The following LY6S variants were observed in gnomAD, a reference collection of about 807,000 sequenced individuals.
The protein encoded by LY6S is lymphocyte antigen 6S.
chr8:143,053,871 C>G, the LY6S span: 1 of 152,204 alleles, frequency 6.6e-6, no homozygotes, highest in Non-Finnish European at 1.5e-5. Flanking sequence ...CCGCTCTATC[C>G]TGTTCCCTGA....
At chr8:143,049,296 T>G in the LY6S span, 1 of 534,580 alleles carries the variant, frequency 1.9e-6, no homozygotes, top group South Asian at 1.4e-5. Context: ...ACCTTTCGGC[T>G]AGGTGAGCTA....
At chr8:143,070,431 TA>T in the LY6S span, among the ~76,000 whole-genome samples, 2 of 99,432 alleles carry the variant, frequency 2.0e-5, no homozygotes, top group African/African-American at 5.8e-5. Context: ...TTTATATATA[TA>T]TTATATATAT....
At chr8:143,042,081 C>T in the LY6S span, among the ~76,000 whole-genome samples, 40 of 20,926 alleles carry the variant, frequency 1.9e-3, no homozygotes, top group Non-Finnish European at 3.8e-3. Context: ...CCACCCAGGG[C>T]GTTCTCAGCC....
chr8:143,065,937 C>T, the LY6S span: 4 of 281,956 alleles, frequency 1.4e-5, no homozygotes, highest in Admixed American at 7.8e-5. Context: ...TGGTGGCGGT[C>T]GTGGGGCAGC....
chr8:143,043,378 C>G, the LY6S span: 5 of 620,256 alleles, frequency 8.1e-6, no homozygotes, highest in African/African-American at 9.7e-5. Context: ...GGGCCCTGCC[C>G]CGGGGCCTCA....
At chr8:143,056,360 C>A in the LY6S span, among the ~76,000 whole-genome samples, 1 of 151,488 alleles carries the variant, frequency 6.6e-6, no homozygotes, top group South Asian at 2.1e-4. Flanking sequence ...TAAATCATAA[C>A]CCCGAATATA....
chr8:143,073,276 C>G, the LY6S span, among the ~76,000 whole-genome samples: 2 of 40,234 alleles, frequency 5.0e-5, no homozygotes, highest in East Asian at 1.4e-3. Context: ...GGTCCCTGTT[C>G]GAGGAGACAG....
chr8:143,067,442 C>G, the LY6S span, among the ~76,000 whole-genome samples: 5 of 152,306 alleles, frequency 3.3e-5, no homozygotes, highest in African/African-American at 1.2e-4. Flanking sequence ...TAACCAGGGA[C>G]ACAATGCACT....
At chr8:143,074,781 A>G in the LY6S span, among the ~76,000 whole-genome samples, 1 of 152,192 alleles carries the variant, frequency 6.6e-6, no homozygotes, top group Admixed American at 6.5e-5. Context: ...AATTTTTGGT[A>G]GTGTGCTAGA....
the LY6S span, among the ~76,000 whole-genome samples, chr8:143,072,520 T>C: frequency 3.6e-5 from 4 of 112,384 alleles, no homozygotes; most frequent in African/African-American, 1.6e-4. Context: ...GTCCTCGGGA[T>C]TCCTGTTTGA....
the LY6S span, among the ~76,000 whole-genome samples, chr8:143,061,548 G>A: frequency 3.3e-5 from 5 of 152,136 alleles, no homozygotes; most frequent in African/African-American, 1.2e-4. Flanking sequence ...TTTTTATTTT[G>A]TTTGTTGGTT....
chr8:143,066,402 T>C, the LY6S span: 42 of 197,670 alleles, frequency 2.1e-4, no homozygotes, highest in East Asian at 4.5e-3. Flanking sequence ...CCTCAGGTGA[T>C]CCACCCACCT....
the LY6S span, among the ~76,000 whole-genome samples, chr8:143,043,423 T>C: frequency 6.6e-6 from 1 of 152,120 alleles, no homozygotes; most frequent in African/African-American, 2.4e-5. Flanking sequence ...CACCCCAACA[T>C]CTGCTGGCTG....
At chr8:143,074,476 T>C in the LY6S span, among the ~76,000 whole-genome samples, 1 of 152,294 alleles carries the variant, frequency 6.6e-6, no homozygotes, top group East Asian at 1.9e-4. Context: ...ATCCAATGAG[T>C]TCTTAATTTC....
At chr8:143,043,602 A>T in the LY6S span, among the ~76,000 whole-genome samples, 1 of 151,718 alleles carries the variant, frequency 6.6e-6, no homozygotes, top group Admixed American at 6.6e-5. Context: ...CCGAAGCGGG[A>T]GCTGGGTGGG....
At chr8:143,064,550 A>G in the LY6S span, among the ~76,000 whole-genome samples, 1 of 152,228 alleles carries the variant, frequency 6.6e-6, no homozygotes, top group African/African-American at 2.4e-5. Context: ...GCTACTCCAA[A>G]TATAGTTGGA....
At chr8:143,052,154 G>A in the LY6S span, among the ~76,000 whole-genome samples, 16 of 147,820 alleles carry the variant, frequency 1.1e-4, no homozygotes, top group Middle Eastern at 3.8e-3. Context: ...GGTGGCGGGC[G>A]CCTGTAGTCC....
At chr8:143,050,558 A>T in the LY6S span, among the ~76,000 whole-genome samples, 20 of 152,204 alleles carry the variant, frequency 1.3e-4, no homozygotes, top group South Asian at 1.5e-3. Flanking sequence ...ATAAAGGGCC[A>T]TGTTGGCTCT....
the LY6S span, among the ~76,000 whole-genome samples, chr8:143,070,487 A>AGTT: frequency 1.2e-5 from 1 of 84,114 alleles, no homozygotes; most frequent in African/African-American, 7.6e-5. Flanking sequence ...ATATATATAT[A>AGTT]TATTTTTTTT....
Sources: allele counts gnomAD v4.1 joint callset (sites outside exome capture counted in the v4.1 genomes callset), GRCh38; gene constraint gnomAD v4.1.1; transcripts MANE v1.5; gene names NCBI Gene and HGNC (gene_info 2026-07-23, HGNC 2026-07-21).